CES5A: variants seen among roughly 807,000 people sequenced by gnomAD.
The protein encoded by CES5A is carboxylesterase 5A.
A neutral mutation model predicts 62.9 loss-of-function variants in CES5A; 67 were observed. The ratio of observed to expected loss-of-function variants is 1.07; its 90% CI spans 0.88 to 1.31. The LOEUF (loss-of-function observed/expected upper bound fraction) is 1.31. Among genes scored for constraint, CES5A ranks in the 50% most tolerant of loss-of-function variants. The pLI is 0.00. For missense variants in CES5A, 748 were observed against 708.5 expected (o/e 1.06, Z -0.63); for synonymous variants, 296 against 280.8 (o/e 1.05, Z -0.54).
rs757787540 is a variant in CES5A, at chr16:55,859,649, G to T, written c.954C>A (p.Phe318Leu). 1.2e-6 allele frequency: 2 copies of T among 1,612,820 alleles called. No individual in the cohort carries two copies. Among genetic ancestry groups the T allele is most frequent in the Non-Finnish European group, 1.7e-6 (2 of 1,179,480 alleles). ...KSFTRVVDGAFFPNEPLDLLS... is the reference protein window; with the variant it reads ...KSFTRVVDGALFPNEPLDLLS... ...ATAGATCTAGAGGCTCATTAGGAAA[G>T]AAAGCACCATCAACCACTCGAGTGA... The change falls in exon 8 of 13, where the codon TTC (phenylalanine) becomes TTA (leucine). Residue 318 changes from phenylalanine to leucine, a missense_variant. Coordinates refer to ENST00000290567, the MANE Select transcript of CES5A (RefSeq NM_001143685.2).
At position 55,852,875 on chromosome 16, in the gene CES5A, A is replaced by G; in HGVS notation, c.1273+6T>C. 1.2e-6 allele frequency: 2 copies of G among 1,611,204 alleles called. No individual in the cohort carries two copies. Among genetic ancestry groups the G allele is most frequent in the Non-Finnish European group, 8.5e-7 (1 of 1,178,530 alleles). ...TGGTCCTGGAGCGGGATGCTCAGATACTCACCTCTGTGATATCGAGCTGTG... is the reference window on the plus strand; with the variant it reads ...TGGTCCTGGAGCGGGATGCTCAGATGCTCACCTCTGTGATATCGAGCTGTG... On this transcript the variant is annotated splice_donor_region_variant and intron_variant, in intron 10 of 12. Transcript: ENST00000290567.
chr16:55,912,627 G>T (rs771610229), intron 1 of CES5A, among the ~76,000 whole-genome samples: 2 of 152,062 alleles, frequency 1.3e-5, no homozygotes, highest in African/African-American at 4.8e-5. Flanking sequence ...GGAAGAGAAG[G>T]AGCAGGGAAA....
intron 1 of CES5A, 141 bp from the exon 2 acceptor site, chr16:55,874,178 T>TG: frequency 1.4e-6 from 1 of 720,354 alleles, no homozygotes; most frequent in Non-Finnish European, 2.3e-6. Context: ...TCCCTCTCCA[T>TG]GAATCCAGTT....
intron 11 of CES5A, among the ~76,000 whole-genome samples, chr16:55,847,323 T>C (rs1476796880): frequency 1.3e-5 from 2 of 150,206 alleles, no homozygotes; most frequent in African/African-American, 4.9e-5. Flanking sequence ...CCCTTCTCTC[T>C]TTCTTCCCTC....
intron 5 of CES5A, 43 bp from the exon 6 acceptor site, chr16:55,863,495 C>T: frequency 1.1e-6 from 1 of 943,414 alleles, no homozygotes; most frequent in Non-Finnish European, 1.8e-6. Flanking sequence ...TTACTCCCCA[C>T]CAACACACAT....
At chr16:55,934,157 C>A (rs2034343322) in intron 2 of CES5A, among the ~76,000 whole-genome samples, 1 of 152,170 alleles carries the variant, frequency 6.6e-6, no homozygotes. Context: ...GTTTAATCCC[C>A]TTTACTCTAT....
At chr16:55,914,202 T>A (rs766166256) in intron 1 of CES5A, among the ~76,000 whole-genome samples, 4 of 152,204 alleles carry the variant, frequency 2.6e-5, no homozygotes, top group Non-Finnish European at 4.4e-5. Context: ...ACCCTTAATA[T>A]CACTTTTGTT....
At chr16:55,870,280 G>A (rs2033556383) in intron 3 of CES5A, among the ~76,000 whole-genome samples, 1 of 151,826 alleles carries the variant, frequency 6.6e-6, no homozygotes, top group Admixed American at 6.6e-5. Context: ...AAGAGGAATG[G>A]AGGAGGTGAG....
chr16:55,875,091 G>A (rs1470023765), intron 1 of CES5A, 58 bp downstream of exon 1: 3 of 1,529,482 alleles, frequency 2.0e-6, no homozygotes, highest in Non-Finnish European at 2.7e-6. Context: ...TTCTACCAGT[G>A]GAAAATCCTC....
chr16:55,951,130 A>AG (rs2034553442), intron 1 of CES5A, among the ~76,000 whole-genome samples: 1 of 140,616 alleles, frequency 7.1e-6, no homozygotes, highest in African/African-American at 2.6e-5. Context: ...AAAAAAAAAA[A>AG]GACCCACACT....
At chr16:55,932,562 G>C (rs534186019) in intron 2 of CES5A, among the ~76,000 whole-genome samples, 2 of 148,068 alleles carry the variant, frequency 1.4e-5, no homozygotes, top group East Asian at 2.1e-4. Flanking sequence ...AAAATAATGG[G>C]GGGGGGAGGG....
intron 1 of CES5A, among the ~76,000 whole-genome samples, chr16:55,903,259 A>G (rs79199156): frequency 0.027 from 4,162 of 152,312 alleles, 125 homozygotes; most frequent in East Asian, 0.095. Context: ...ACACCAGACT[A>G]TGAGATCCAA....
intron 1 of CES5A, among the ~76,000 whole-genome samples, chr16:55,893,303 T>A (rs1020363025): frequency 6.6e-6 from 1 of 151,486 alleles, no homozygotes; most frequent in Non-Finnish European, 1.5e-5. Context: ...GTTTTCAATA[T>A]CGGTATGAAA....
chr16:55,900,259 A>G (rs1357914099), intron 1 of CES5A, among the ~76,000 whole-genome samples: 1 of 152,194 alleles, frequency 6.6e-6, no homozygotes, highest in East Asian at 1.9e-4. Flanking sequence ...TTGGGATGAT[A>G]TTCATTCAGA....
intron 2 of CES5A, among the ~76,000 whole-genome samples, chr16:55,948,585 A>G (rs1021540375): frequency 2.6e-5 from 4 of 152,136 alleles, no homozygotes; most frequent in African/African-American, 9.7e-5. Context: ...TCTTGTAGCT[A>G]TCTATTTATG....
chr16:55,852,074 A>C (rs2033144374), intron 10 of CES5A, among the ~76,000 whole-genome samples: 1 of 152,296 alleles, frequency 6.6e-6, no homozygotes, highest in East Asian at 1.9e-4. Context: ...GTTATTTTTA[A>C]TAGGTACTGA....
intron 5 of CES5A, among the ~76,000 whole-genome samples, chr16:55,864,735 A>C (rs552317161): frequency 6.6e-6 from 1 of 152,168 alleles, no homozygotes; most frequent in South Asian, 2.1e-4. Flanking sequence ...TCTCTAAAAA[A>C]ATTTTAAAAA....
At chr16:55,937,573 G>T (rs995813039) in intron 2 of CES5A, among the ~76,000 whole-genome samples, 1 of 152,206 alleles carries the variant, frequency 6.6e-6, no homozygotes, top group Admixed American at 6.5e-5. Flanking sequence ...ACTGCCAGTT[G>T]GCTGAGTGAC....
intron 1 of CES5A, among the ~76,000 whole-genome samples, chr16:55,884,530 G>A (rs114142547): frequency 0.012 from 1,816 of 151,766 alleles, 51 homozygotes; most frequent in African/African-American, 0.041. Context: ...CAGTTCTACG[G>A]CCACCTCTCC....
Sources: allele counts gnomAD v4.1 joint callset (sites outside exome capture counted in the v4.1 genomes callset), GRCh38; gene constraint gnomAD v4.1.1; transcripts MANE v1.5; gene names NCBI Gene and HGNC (gene_info 2026-07-23, HGNC 2026-07-21).